The following STARD6 variants were observed in gnomAD, a reference collection of about 807,000 sequenced individuals.
STARD6 encodes the protein StAR related lipid transfer domain containing 6, also known as stAR-related lipid transfer protein 6.
A neutral mutation model predicts 22.3 loss-of-function variants in STARD6; 21 were observed. The observed-to-expected ratio is 0.94, with a 90% CI of 0.67 to 1.35. STARD6 has a LOEUF of 1.35. STARD6 is among the 40% of genes most tolerant of loss of function. STARD6 has a pLI of 0.00. For missense variants in STARD6, 269 were observed against 266.9 expected, an observed-to-expected ratio of 1.01 and a Z score of -0.05; for synonymous variants, 80 against 88.1, an observed-to-expected ratio of 0.91 and a Z score of 0.52.
chr18:54,329,366 CA>C lies in STARD6; in HGVS notation c.459del (p.Phe153LeufsTer15). The C allele has an allele frequency of 6.3e-7, 1 of 1,596,960 alleles. No individual in the cohort carries two copies. The highest frequency in any genetic ancestry group is 8.5e-7 in the Non-Finnish European group (1 of 1,173,790). On this transcript the variant is annotated frameshift_variant, in exon 7 of 8. Transcript: ENST00000307844. LOFTEE classifies it high-confidence loss of function. ...YIRGYNHPCGFVCSPMEENPA... is the reference protein window; with the variant it reads ...YIRGYNHPCGXVCSPMEENPA... ...ACTTACTCTTCCATTGGTGAACATA[CA>C]AAGCCACAAGGATGGTTATAACCGC...
At chr18:54,337,465 A>AT in intron 4 of STARD6, among the ~76,000 whole-genome samples, 1 of 152,264 alleles carries the variant, frequency 6.6e-6, no homozygotes, top group Admixed American at 6.5e-5. Flanking sequence ...TTCAAAATTC[A>AT]TTTTTCTATA....
chr18:54,345,410 T>A (rs750612588), intron 4 of STARD6, among the ~76,000 whole-genome samples: 1 of 152,082 alleles, frequency 6.6e-6, no homozygotes, highest in East Asian at 1.9e-4. Context: ...CTGAAAGAAG[T>A]TTGAGAAGCT....
chr18:54,332,045 T>A (rs1049382612), intron 5 of STARD6, among the ~76,000 whole-genome samples, 186 bp from the exon 6 acceptor site: 3 of 152,146 alleles, frequency 2.0e-5, no homozygotes, highest in African/African-American at 7.2e-5. Flanking sequence ...AATCTACGAG[T>A]GTAGAAAATT....
At chr18:54,350,281 C>T (rs1311628134) in intron 4 of STARD6, among the ~76,000 whole-genome samples, 1 of 152,118 alleles carries the variant, frequency 6.6e-6, no homozygotes, top group African/African-American at 2.4e-5. Flanking sequence ...TGTATATCTT[C>T]TTTTGAGAAT....
chr18:54,354,111 G>A lies in STARD6; in HGVS notation c.91-8C>T. 2 of 1,539,190 alleles carry A rather than the reference G, an allele frequency of 1.3e-6. No homozygotes were observed. Among genetic ancestry groups the A allele is most frequent in the Non-Finnish European group, 1.8e-6 (2 of 1,138,224 alleles). ...GGAAACAGTTATCTTTTTCTCAAAG[G>A]GGAATAAAAATCCACAAATAATTAG... On this transcript the variant is annotated splice_region_variant and splice_polypyrimidine_tract_variant and intron_variant, in intron 3 of 7. Transcript: ENST00000307844.
At chr18:54,339,615 C>A (rs2088952020) in intron 4 of STARD6, among the ~76,000 whole-genome samples, 1 of 152,010 alleles carries the variant, frequency 6.6e-6, no homozygotes, top group Non-Finnish European at 1.5e-5. Flanking sequence ...AAAAAGAATT[C>A]TATATCCAGC....
At chr18:54,342,455 CT>C in intron 4 of STARD6, among the ~76,000 whole-genome samples, 1 of 145,724 alleles carries the variant, frequency 6.9e-6, no homozygotes, top group African/African-American at 2.7e-5. Flanking sequence ...CCCTCTCCCT[CT>C]CCCTCTCCCT....
At chr18:54,353,877 T>G (rs2089119930) in intron 4 of STARD6, 177 bp downstream of exon 4, 1 of 403,052 alleles carries the variant, frequency 2.5e-6, no homozygotes. Flanking sequence ...AAATAGAAGA[T>G]TAGATGGTAT....
chr18:54,335,106 G>C (rs571999621), intron 5 of STARD6, among the ~76,000 whole-genome samples: 7 of 152,252 alleles, frequency 4.6e-5, no homozygotes, highest in Non-Finnish European at 8.8e-5. Context: ...AACTGGAATG[G>C]AGAATGAATT....
chr18:54,355,715 A>G (rs566321716), intron 2 of STARD6: 45 of 152,398 alleles, frequency 3.0e-4, no homozygotes, highest in Middle Eastern at 3.4e-3. Context: ...AAAAGGACTG[A>G]GACAGGCACT....
intron 4 of STARD6, among the ~76,000 whole-genome samples, chr18:54,346,621 A>G (rs1394910324): frequency 6.6e-6 from 1 of 152,152 alleles, no homozygotes; most frequent in Non-Finnish European, 1.5e-5. Context: ...ATTTCATAAC[A>G]GCATTATTTA....
At chr18:54,342,693 C>A (rs1420317342) in intron 4 of STARD6, among the ~76,000 whole-genome samples, 4 of 97,974 alleles carry the variant, frequency 4.1e-5, no homozygotes, top group Non-Finnish European at 7.8e-5. Context: ...CAGCCCCTAA[C>A]CGCGAGTGAT....
rs763301319 is a variant in STARD6, at chr18:54,331,777, A to G, written c.350T>C (p.Ile117Thr). The G allele has an allele frequency of 9.3e-6, 15 of 1,612,938 alleles. No homozygotes were observed. The highest frequency in any genetic ancestry group is 8.8e-5 in the South Asian group (8 of 90,838). ...GTTCATATTTCCTTCGTAGCGCTTG[A>G]TGTACACTAAGTCGATAAAGTCTCG... ...SPRDFIDLVY[I>T]KRYEGNMNII... Residue 117 changes from isoleucine to threonine, a missense_variant, in exon 6 of 8, where the codon ATC becomes ACC. Physicochemically the swap from Ile to Thr is moderately conservative, Grantham distance 89. Transcript: ENST00000307844.
rs1194213310 is a variant in STARD6, at chr18:54,332,099, G to A, written c.268-240C>T. On this transcript the variant is annotated intron_variant, in intron 5 of 7. Transcript: ENST00000307844. ...TCATCTACTCTTTCAATTTTTAGAT[G>A]GAGAAATTGAAGCCTAACAGATTAA... Among the ~76,000 whole-genome samples the A allele has an allele frequency of 4.6e-5, 7 of 152,216 alleles. No homozygotes were observed. The South Asian group carries it at 1.0e-3, about 23-fold the overall frequency.
intron 4 of STARD6, among the ~76,000 whole-genome samples, chr18:54,339,984 A>T (rs925947123): frequency 6.6e-6 from 1 of 152,204 alleles, no homozygotes. Flanking sequence ...TGAATAAAAA[A>T]AATAACAGCA....
At chr18:54,350,414 T>A (rs2089084602) in intron 4 of STARD6, among the ~76,000 whole-genome samples, 1 of 152,226 alleles carries the variant, frequency 6.6e-6, no homozygotes, top group Non-Finnish European at 1.5e-5. Context: ...TGTGAATATT[T>A]TCTCCCATTC....
intron 4 of STARD6, among the ~76,000 whole-genome samples, chr18:54,339,888 C>T (rs2088954513): frequency 6.6e-6 from 1 of 151,980 alleles, no homozygotes; most frequent in Non-Finnish European, 1.5e-5. Flanking sequence ...TTTCCTAAAA[C>T]AATATAACAT....
chr18:54,356,498 T>G (rs1226620221), intron 1 of STARD6, 54 bp from the exon 2 acceptor site: 1 of 152,218 alleles, frequency 6.6e-6, no homozygotes, highest in Admixed American at 6.5e-5. Context: ...ATTAGGTCAA[T>G]ATATTTGATA....
At chr18:54,348,820 A>C (rs571916554) in intron 4 of STARD6, among the ~76,000 whole-genome samples, 59 of 152,284 alleles carry the variant, frequency 3.9e-4, no homozygotes, top group Admixed American at 5.2e-4. Flanking sequence ...GCAAATGCTT[A>C]AAGCTAACCA....
Sources: allele counts gnomAD v4.1 joint callset (sites outside exome capture counted in the v4.1 genomes callset), GRCh38; gene constraint gnomAD v4.1.1; transcripts MANE v1.5; gene names NCBI Gene and HGNC (gene_info 2026-07-23, HGNC 2026-07-21).